The following NR3C2 variants were observed in gnomAD, a reference collection of about 807,000 sequenced individuals.
NR3C2 encodes nuclear receptor subfamily 3 group C member 2, also known as mineralocorticoid receptor.
In NR3C2, 15 loss-of-function variants were observed where a neutral mutation model predicts 86.4. The observed-to-expected ratio is 0.17, with a 90% CI of 0.12 to 0.27. NR3C2 has a LOEUF of 0.27. Ranked by LOEUF, NR3C2 falls within the 10% of genes least tolerant of loss-of-function variation. NR3C2 has a pLI of 1.00. For missense variants in NR3C2, 960 were observed against 1,195.6 expected (o/e 0.80, Z 2.91); for synonymous variants, 458 against 450.5 (o/e 1.02, Z -0.21).
chr4:148,217,952 TA>T (rs956718896), intron 3 of NR3C2, among the ~76,000 whole-genome samples: 1 of 152,240 alleles, frequency 6.6e-6, no homozygotes, highest in Admixed American at 6.5e-5. Flanking sequence ...GAAAACCTTT[TA>T]AAACCAAGGC....
chr4:148,426,123 C>T (rs1749516682), intron 2 of NR3C2, among the ~76,000 whole-genome samples: 1 of 152,190 alleles, frequency 6.6e-6, no homozygotes, highest in African/African-American at 2.4e-5. Flanking sequence ...CCATCTCCTC[C>T]ATTTAACCAC....
chr4:148,397,458 G>A (rs1176285175), intron 2 of NR3C2, among the ~76,000 whole-genome samples: 2 of 152,174 alleles, frequency 1.3e-5, no homozygotes, highest in Non-Finnish European at 2.9e-5. Flanking sequence ...TCTGTGCTGT[G>A]GATAAAATAC....
At chr4:148,442,449 CA>C, upstream of NR3C2, 1 of 170,612 alleles carries the variant, frequency 5.9e-6, no homozygotes, top group Non-Finnish European at 1.2e-5. Flanking sequence ...CCAGGGCGGG[CA>C]AAAAAGGGAG....
chr4:148,114,809 T>A (rs946374645), intron 7 of NR3C2, among the ~76,000 whole-genome samples: 4 of 152,156 alleles, frequency 2.6e-5, no homozygotes, highest in African/African-American at 9.7e-5. Flanking sequence ...GAAATCAACA[T>A]CCTCATTCTC....
At chr4:148,274,951 G>A (rs559567829) in intron 2 of NR3C2, among the ~76,000 whole-genome samples, 6 of 151,932 alleles carry the variant, frequency 3.9e-5, no homozygotes, top group Non-Finnish European at 8.8e-5. Flanking sequence ...ACTTGCCTCC[G>A]CCTCCCAAAG....
intron 2 of NR3C2, among the ~76,000 whole-genome samples, chr4:148,328,369 T>C (rs574019472): frequency 9.9e-5 from 15 of 152,278 alleles, no homozygotes; most frequent in African/African-American, 3.4e-4. Flanking sequence ...GCTCCCCACA[T>C]GAAAACTTCA....
intron 3 of NR3C2, among the ~76,000 whole-genome samples, chr4:148,237,892 T>G (rs1738825622): frequency 6.6e-6 from 1 of 152,130 alleles, no homozygotes; most frequent in South Asian, 2.1e-4. Context: ...TGACACCAAC[T>G]TAAATACTGG....
intron 2 of NR3C2, among the ~76,000 whole-genome samples, chr4:148,348,462 G>A (rs1745109756): frequency 2.0e-5 from 3 of 152,256 alleles, no homozygotes; most frequent in Middle Eastern, 6.8e-3. Context: ...TAGAATAAAT[G>A]AAAGTCAGCT....
intron 2 of NR3C2, among the ~76,000 whole-genome samples, chr4:148,275,342 A>G (rs1287811448): frequency 6.6e-6 from 1 of 152,250 alleles, no homozygotes; most frequent in African/African-American, 2.4e-5. Flanking sequence ...AAAAGGGCTT[A>G]CTTTTATTTC....
At chr4:148,307,073 CT>C (rs57940818) in intron 2 of NR3C2, among the ~76,000 whole-genome samples, 38 of 149,270 alleles carry the variant, frequency 2.5e-4, no homozygotes, top group East Asian at 1.6e-3. Context: ...TTTAAATTTA[CT>C]TTTTTTTTTC....
intron 2 of NR3C2, among the ~76,000 whole-genome samples, chr4:148,300,587 C>CG (rs1561027556): frequency 1.5e-5 from 1 of 67,830 alleles, no homozygotes; most frequent in Non-Finnish European, 2.9e-5. Context: ...CCTTGCTACT[C>CG]ATTTTTTTTT....
intron 2 of NR3C2, among the ~76,000 whole-genome samples, chr4:148,402,816 AAG>A: frequency 6.6e-6 from 1 of 152,270 alleles, no homozygotes; most frequent in East Asian, 1.9e-4. Context: ...ACAAGCTTAA[AAG>A]ACACTCCCAC....
chr4:148,223,219 G>A lies in NR3C2; in HGVS notation c.1898-28357C>T, dbSNP rs143436897. On this transcript the variant is annotated intron_variant, in intron 3 of 8. Coordinates refer to ENST00000358102, the MANE Select transcript of NR3C2 (RefSeq NM_000901.5). ...GCAGCAAGCTCCGAATATTCCTCACGTCCCCTTCAAATCTCAATGCATTCT... is the reference window on the plus strand; with the variant it reads ...GCAGCAAGCTCCGAATATTCCTCACATCCCCTTCAAATCTCAATGCATTCT... Among the ~76,000 whole-genome samples the A allele has an allele frequency of 5.9e-5, 9 of 152,038 alleles. No individual in the cohort carries two copies. The East Asian group carries it at 1.5e-3, about 26-fold the overall frequency.
intron 4 of NR3C2, among the ~76,000 whole-genome samples, chr4:148,176,183 G>A (rs1455969343): frequency 6.6e-6 from 1 of 152,158 alleles, no homozygotes; most frequent in Non-Finnish European, 1.5e-5. Context: ...GCATTTCCTA[G>A]TATCTTTTAC....
At chr4:148,145,649 A>T (rs1159353683) in intron 6 of NR3C2, among the ~76,000 whole-genome samples, 1 of 152,144 alleles carries the variant, frequency 6.6e-6, no homozygotes, top group African/African-American at 2.4e-5. Flanking sequence ...CCACAGTGAG[A>T]CCGGCAGCAC....
chr4:148,195,348 A>T (rs1736392576), intron 3 of NR3C2, among the ~76,000 whole-genome samples: 1 of 152,252 alleles, frequency 6.6e-6, no homozygotes, highest in Non-Finnish European at 1.5e-5. Context: ...AACTAAAAAA[A>T]ATCAGATGTG....
chr4:148,191,781 G>C (rs1736205954), intron 4 of NR3C2, among the ~76,000 whole-genome samples: 1 of 152,144 alleles, frequency 6.6e-6, no homozygotes, highest in Non-Finnish European at 1.5e-5. Flanking sequence ...CTATTGCTTA[G>C]ACTTTCCAGA....
Position 148,324,368 on chromosome 4 carries a change from T to C in NR3C2, c.1758-64251A>G, listed in dbSNP as rs1250791731. On this transcript the variant is annotated intron_variant, in intron 2 of 8. Coordinates refer to ENST00000358102, the MANE Select transcript of NR3C2 (RefSeq NM_000901.5). ...GTGTGTGTGTGTGTGTGTGTGTGTT[T>C]GTGTGTGTGTTCCTGTGTGTATGTG... Among the ~76,000 whole-genome samples the C allele has an allele frequency of 1.1e-3, 22 of 20,152 alleles. No individual in the cohort carries two copies. The East Asian group carries it at 0.095, about 87-fold the overall frequency. The allele number at this position is 20,152 out of a possible 152,430, so 13.2% of individuals were successfully genotyped here. A position where few individuals can be genotyped will look rare whatever the true frequency, so the allele number is the denominator to read the frequency against.
chr4:148,174,653 G>T (rs753384393), intron 4 of NR3C2, among the ~76,000 whole-genome samples: 1 of 152,164 alleles, frequency 6.6e-6, no homozygotes, highest in Non-Finnish European at 1.5e-5. Context: ...GTCTACATGC[G>T]TCCAGGGTCT....
Sources: gnomAD v4.1 joint callset for allele counts (sites outside exome capture counted in the v4.1 genomes callset) on GRCh38, gnomAD v4.1.1 for gene constraint, MANE v1.5 for transcripts, NCBI Gene and HGNC (gene_info 2026-07-23, HGNC 2026-07-21) for gene names.